The following EFCAB6 variants were observed in gnomAD, a reference collection of about 807,000 sequenced individuals.
The protein encoded by EFCAB6 is EF-hand calcium-binding domain-containing protein 6.
Under a neutral mutation model 169.8 loss-of-function variants are expected in EFCAB6, and 156 were observed. The ratio of observed to expected loss-of-function variants is 0.92; its 90% CI spans 0.81 to 1.05. EFCAB6 has a LOEUF of 1.05. Among genes scored for constraint, EFCAB6 ranks in the 50% least tolerant of loss-of-function variants. The probability of loss-of-function intolerance (pLI) is 0.00; values close to 1 mark genes in which losing one functional copy is unlikely to be tolerated. For synonymous variants in EFCAB6, 698 were observed against 676.4 expected, an observed-to-expected ratio of 1.03 and a Z score of -0.50; for missense variants, 1,800 against 1,829.1, an observed-to-expected ratio of 0.98 and a Z score of 0.29.
intron 3 of EFCAB6, among the ~76,000 whole-genome samples, chr22:43,773,387 G>A (rs953624576): frequency 7.2e-5 from 11 of 152,084 alleles, no homozygotes; most frequent in African/African-American, 1.9e-4. Flanking sequence ...TGAAAAACAT[G>A]GATATTGAAA....
chr22:43,733,411 G>A (rs2060022651), intron 7 of EFCAB6, among the ~76,000 whole-genome samples: 1 of 152,336 alleles, frequency 6.6e-6, no homozygotes, highest in African/African-American at 2.4e-5. Context: ...GGCCTCCAGG[G>A]CAGTGGAGAG....
At chr22:43,533,731 C>T (rs371781035) in intron 30 of EFCAB6, among the ~76,000 whole-genome samples, 9 of 152,306 alleles carry the variant, frequency 5.9e-5, no homozygotes, top group African/African-American at 2.2e-4. Flanking sequence ...AACTGCCTGG[C>T]CCTCTTGAAG....
At chr22:43,647,364 T>C (rs1030918592) in intron 17 of EFCAB6, among the ~76,000 whole-genome samples, 1 of 152,080 alleles carries the variant, frequency 6.6e-6, no homozygotes, top group African/African-American at 2.4e-5. Flanking sequence ...ATTTGGAAAA[T>C]ATATTTGTAT....
Position 43,795,695 on chromosome 22 carries a change from T to C in EFCAB6, c.-8+13300A>G, listed in dbSNP as rs930457410. Among the ~76,000 whole-genome samples the C allele has an allele frequency of 1.4e-4, 22 of 152,036 alleles. No homozygotes were observed. Among genetic ancestry groups the C allele is most frequent in the African/African-American group, 5.3e-4 (22 of 41,374 alleles). On this transcript the variant is annotated intron_variant, in intron 2 of 31. Transcript: ENST00000262726. This position sits in a 1 kb window ranked among gnomAD's most constrained non-coding sequence, Gnocchi z 4.2. ...GAACTCCATTATAAGCTCCATGAAA[T>C]AAAAGGGTGTGTTTACACCACTCTA...
chr22:43,607,723 A>G (rs994730182), intron 22 of EFCAB6, among the ~76,000 whole-genome samples: 1 of 152,232 alleles, frequency 6.6e-6, no homozygotes. Context: ...TCATGGTTTC[A>G]TAAGTTTGCC....
chr22:43,795,657 G>T lies in EFCAB6; in HGVS notation c.-7-13332C>A, dbSNP rs150568780. Among the ~76,000 whole-genome samples the T allele has an allele frequency of 6.6e-6, 1 of 152,202 alleles. No homozygotes were observed. ...ACCCCAACTTCGCATTACACTTTTA[G>T]TTGGGAAATTATGAACTCCATTATA... On this transcript the variant is annotated intron_variant, in intron 2 of 31. Coordinates refer to ENST00000262726, the MANE Select transcript of EFCAB6 (RefSeq NM_022785.4). This position sits in a 1 kb window ranked among gnomAD's most constrained non-coding sequence, Gnocchi z 4.2.
chr22:43,677,610 C>A (rs2057819027), intron 13 of EFCAB6, among the ~76,000 whole-genome samples: 1 of 152,102 alleles, frequency 6.6e-6, no homozygotes, highest in Admixed American at 6.5e-5. Flanking sequence ...CATGCCACTG[C>A]ACTCCAGCCT....
At chr22:43,719,489 A>T (rs572185544) in intron 8 of EFCAB6, among the ~76,000 whole-genome samples, 2 of 152,362 alleles carry the variant, frequency 1.3e-5, no homozygotes, top group Non-Finnish European at 2.9e-5. Flanking sequence ...AGAAGTTAGC[A>T]AAATTAATAG....
Position 43,600,049 on chromosome 22 carries a change from C to T in EFCAB6, c.2876+20G>A, listed in dbSNP as rs1413509429. 3.1e-6 allele frequency: 5 copies of T among 1,609,294 alleles called. No individual in the cohort carries two copies. Among genetic ancestry groups the T allele is most frequent in the Non-Finnish European group, 4.2e-6 (5 of 1,177,738 alleles). On this transcript the variant is annotated intron_variant, in intron 23 of 31. Transcript: ENST00000262726. Reference sequence around the variant, plus strand: ...AAAGGGGACTTCTAGATGATGGCCCCGTGATCCTTCCTCACTCACCTGGCT... The same window carrying T: ...AAAGGGGACTTCTAGATGATGGCCCTGTGATCCTTCCTCACTCACCTGGCT...
At chr22:43,651,088 G>A (rs776829034) in intron 17 of EFCAB6, among the ~76,000 whole-genome samples, 10 of 152,210 alleles carry the variant, frequency 6.6e-5, no homozygotes, top group South Asian at 2.1e-4. Flanking sequence ...CATAAGTAAC[G>A]AGGAGGAGAA....
chr22:43,533,253 A>G (rs1382276599), intron 30 of EFCAB6: 6 of 152,212 alleles, frequency 3.9e-5, no homozygotes, highest in Non-Finnish European at 8.8e-5. Context: ...TCCACCACAC[A>G]CACTCAGAGG....
At chr22:43,569,988 T>A (rs1487431090) in intron 26 of EFCAB6, 2 of 152,220 alleles carry the variant, frequency 1.3e-5, no homozygotes, top group Non-Finnish European at 2.9e-5. Context: ...GACACCATTA[T>A]ATTTACAATA....
At chr22:43,777,346 G>A (rs1165658844) in intron 3 of EFCAB6, among the ~76,000 whole-genome samples, 1 of 152,172 alleles carries the variant, frequency 6.6e-6, no homozygotes, top group Non-Finnish European at 1.5e-5. Context: ...TATCATTTTG[G>A]TTACAGGTGG....
chr22:43,558,562 C>T lies in EFCAB6; in HGVS notation c.3421-3466G>A, dbSNP rs202108583. 5.3e-5 allele frequency among the ~76,000 whole-genome samples: 8 copies of T among 152,230 alleles called. No homozygotes were observed. The East Asian group carries it at 9.6e-4, about 18-fold the overall frequency. On this transcript the variant is annotated intron_variant, in intron 26 of 31. Transcript: ENST00000262726. Reference sequence around the variant, plus strand: ...TCATGTCTCCATGTCACAGAGAAATCGTTCATGAAAGAGACAGTCAATTGA... The same window carrying T: ...TCATGTCTCCATGTCACAGAGAAATTGTTCATGAAAGAGACAGTCAATTGA...
chr22:43,690,864 G>A (rs549107100), intron 10 of EFCAB6, among the ~76,000 whole-genome samples: 13 of 151,910 alleles, frequency 8.6e-5, no homozygotes, highest in African/African-American at 3.1e-4. Context: ...TGCAATAACT[G>A]TTTCTTCAAG....
intron 10 of EFCAB6, among the ~76,000 whole-genome samples, chr22:43,692,503 T>A (rs1381694220): frequency 6.6e-6 from 1 of 151,916 alleles, no homozygotes; most frequent in African/African-American, 2.4e-5. Context: ...ATTCCCACAA[T>A]AAATCAAAGG....
chr22:43,757,478 C>T (rs538279108), intron 5 of EFCAB6, among the ~76,000 whole-genome samples: 5 of 151,180 alleles, frequency 3.3e-5, no homozygotes, highest in Non-Finnish European at 7.4e-5. Context: ...ACCCGGGAGG[C>T]AGAGGTTGCG....
chr22:43,678,380 G>C (rs1340891874), intron 12 of EFCAB6, among the ~76,000 whole-genome samples: 1 of 138,796 alleles, frequency 7.2e-6, no homozygotes, highest in Non-Finnish European at 1.6e-5. Context: ...CTGAATGCTA[G>C]AACTTTCCAG....
intron 27 of EFCAB6, among the ~76,000 whole-genome samples, chr22:43,543,629 G>A (rs1231851505): frequency 6.6e-6 from 1 of 152,164 alleles, no homozygotes; most frequent in African/African-American, 2.4e-5. Flanking sequence ...ACAAAGCAGA[G>A]GTCTGAGGGG....
Sources: allele counts gnomAD v4.1 joint callset (sites outside exome capture counted in the v4.1 genomes callset), GRCh38; gene constraint gnomAD v4.1.1; non-coding constraint Gnocchi (gnomAD v3.1); transcripts MANE v1.5; gene names NCBI Gene and HGNC (gene_info 2026-07-23, HGNC 2026-07-21).